CCDC146: variants seen among roughly 807,000 people sequenced by gnomAD.
CCDC146 encodes the protein coiled-coil domain containing 146.
In CCDC146, 92 loss-of-function variants were observed where a neutral mutation model predicts 119.3. The ratio of observed to expected loss-of-function variants is 0.77; its 90% confidence interval spans 0.65 to 0.92. The LOEUF is 0.92. Among genes scored for constraint, CCDC146 ranks in the 40% least tolerant of loss-of-function variants. The probability of loss-of-function intolerance (pLI) is 0.00; values close to 1 mark genes in which losing one functional copy is unlikely to be tolerated. For synonymous variants in CCDC146, 372 were observed against 371.8 expected, an observed-to-expected ratio of 1.00 and a Z score of -0.01; for missense variants, 1,000 against 1,103.0, an observed-to-expected ratio of 0.91 and a Z score of 1.32.
rs1331285214 is a variant in CCDC146 at position 77,185,667 on chromosome 7, A to G, written c.156+17843A>G. On this transcript the variant is annotated intron_variant, in intron 2 of 18. Transcript: ENST00000285871. ...ACTGCGAAGACTACAATAAATACCTAACTCTTCAATGTCTAGTTACAGACA... is the reference window on the plus strand; with the variant it reads ...ACTGCGAAGACTACAATAAATACCTGACTCTTCAATGTCTAGTTACAGACA... 2.6e-5 allele frequency among the ~76,000 whole-genome samples: 4 copies of G among 152,338 alleles called. No homozygotes were observed. In the South Asian group the frequency reaches 6.2e-4, roughly 24 times the overall value.
At chr7:77,194,846 A>C (rs943056892) in intron 2 of CCDC146, 1 of 152,144 alleles carries the variant, frequency 6.6e-6, no homozygotes, top group Non-Finnish European at 1.5e-5. Flanking sequence ...GAAATTAAAC[A>C]CATTTAAAAA....
At chr7:77,231,462 C>T (rs369116990) in intron 2 of CCDC146, among the ~76,000 whole-genome samples, 5 of 152,132 alleles carry the variant, frequency 3.3e-5, no homozygotes, top group African/African-American at 1.2e-4. Context: ...TTGGTACTAT[C>T]CATTCAGGGA....
intron 14 of CCDC146, among the ~76,000 whole-genome samples, chr7:77,281,491 C>T (rs1793763696): frequency 6.6e-6 from 1 of 152,088 alleles, no homozygotes; most frequent in African/African-American, 2.4e-5. Context: ...TTTGCAGAGC[C>T]CTGTGATAAT....
At chr7:77,140,049 C>T (rs1221622573) in intron 1 of CCDC146, among the ~76,000 whole-genome samples, 1 of 152,048 alleles carries the variant, frequency 6.6e-6, no homozygotes, top group Non-Finnish European at 1.5e-5. Context: ...CGTGCACCAT[C>T]ACACCCAGCT....
chr7:77,144,091 T>C (rs1468055003), intron 1 of CCDC146, among the ~76,000 whole-genome samples: 1 of 151,858 alleles, frequency 6.6e-6, no homozygotes, highest in East Asian at 1.9e-4. Context: ...TTTTATTTCA[T>C]TGAGCAGTGG....
At chr7:77,268,141 G>A (rs939719256) in intron 9 of CCDC146, among the ~76,000 whole-genome samples, 1 of 152,212 alleles carries the variant, frequency 6.6e-6, no homozygotes, top group Non-Finnish European at 1.5e-5. Context: ...CTGTGGTAGA[G>A]TATCTTAAAT....
chr7:77,223,971 G>A (rs868018973), intron 2 of CCDC146, among the ~76,000 whole-genome samples: 6 of 152,318 alleles, frequency 3.9e-5, no homozygotes, highest in South Asian at 2.1e-4. Flanking sequence ...CACAGGTGGT[G>A]GCCACTGAGA....
chr7:77,219,773 G>A (rs1471886168), intron 2 of CCDC146, among the ~76,000 whole-genome samples: 1 of 152,174 alleles, frequency 6.6e-6, no homozygotes, highest in Non-Finnish European at 1.5e-5. Context: ...GACATCACAT[G>A]TCGGCAAGTT....
chr7:77,157,687 T>C (rs1382924576), intron 1 of CCDC146, among the ~76,000 whole-genome samples: 2 of 152,248 alleles, frequency 1.3e-5, no homozygotes, highest in African/African-American at 4.8e-5. Flanking sequence ...CTCATGGTAC[T>C]GCCTTGCCTC....
intron 2 of CCDC146, among the ~76,000 whole-genome samples, chr7:77,225,711 G>A (rs1792497546): frequency 6.6e-6 from 1 of 152,124 alleles, no homozygotes; most frequent in African/African-American, 2.4e-5. Context: ...GGGAGGCCGA[G>A]GTGGGTGGAT....
intron 1 of CCDC146, among the ~76,000 whole-genome samples, chr7:77,147,176 A>T (rs1307832165): frequency 1.3e-5 from 2 of 152,178 alleles, no homozygotes; most frequent in Non-Finnish European, 2.9e-5. Flanking sequence ...TCAATCACTG[A>T]TACCCTTTCT....
At position 77,237,125 on chromosome 7, in the gene CCDC146, C is replaced by T. The variant is rs546118477; in HGVS notation, c.239+96C>T. ...TCATTTGCATTCCCCCATAAGCAGA[C>T]CCTGAGGCAAGGATTTGCGTTCAGG... On this transcript the variant is annotated intron_variant, in intron 3 of 18. Transcript: ENST00000285871. 6.0e-5 allele frequency: 59 copies of T among 983,116 alleles called. 1 individual carries two copies. In the South Asian group the frequency reaches 7.8e-4, roughly 13 times the overall value. 60.9% of individuals were successfully genotyped at this position (983,116 alleles called of 1,614,324 possible).
At chr7:77,177,846 C>T (rs1791523251) in intron 2 of CCDC146, among the ~76,000 whole-genome samples, 1 of 152,086 alleles carries the variant, frequency 6.6e-6, no homozygotes, top group African/African-American at 2.4e-5. Flanking sequence ...CAAGATTTTC[C>T]TTGGCTGTCA....
At position 77,130,396 on chromosome 7, in the gene CCDC146, G is replaced by A. The variant is rs146888131; in HGVS notation, c.-12+7664G>A. Among the ~76,000 whole-genome samples the A allele has an allele frequency of 2.1e-3, 327 of 152,154 alleles. 1 individual carries two copies. Among genetic ancestry groups the A allele is most frequent in the Non-Finnish European group, 3.7e-3 (254 of 68,010 alleles). ...AAAGGTCTCAGAACAACTCGCAAGCGTTGCATGTAATGTACAGACCCAAAG... is the reference window on the plus strand; with the variant it reads ...AAAGGTCTCAGAACAACTCGCAAGCATTGCATGTAATGTACAGACCCAAAG... On this transcript the variant is annotated intron_variant, in intron 1 of 18. Transcript: ENST00000285871.
chr7:77,196,398 C>T lies in CCDC146; in HGVS notation c.156+28574C>T. 3 of 1,614,150 alleles carry T rather than the reference C, an allele frequency of 1.9e-6. No individual in the cohort carries two copies. Among genetic ancestry groups the T allele is most frequent in the Non-Finnish European group, 2.5e-6 (3 of 1,180,008 alleles). On this transcript the variant is annotated intron_variant, in intron 2 of 18. Coordinates refer to ENST00000285871, the MANE Select transcript of CCDC146 (RefSeq NM_020879.3). The surrounding 1 kb of genome is among the most constrained non-coding windows in gnomAD (Gnocchi z 4.2). ...GTACCCCAGAAAATCCCATTACGGACACCTCTGTATTTTTGGTGATAATAT... is the reference window on the plus strand; with the variant it reads ...GTACCCCAGAAAATCCCATTACGGATACCTCTGTATTTTTGGTGATAATAT...
At chr7:77,201,915 A>T (rs1015065357) in intron 2 of CCDC146, among the ~76,000 whole-genome samples, 41 of 123,366 alleles carry the variant, frequency 3.3e-4, no homozygotes, top group African/African-American at 1.6e-3. Flanking sequence ...CAACATAGAT[A>T]AAAAAAAAAA....
intron 1 of CCDC146, among the ~76,000 whole-genome samples, chr7:77,148,339 C>T (rs893239319): frequency 6.6e-6 from 1 of 152,128 alleles, no homozygotes; most frequent in Non-Finnish European, 1.5e-5. Flanking sequence ...AAGGGAATAC[C>T]CTGACCCCTT....
At chr7:77,242,097 GTGACAGAGATGCCTGC>G (rs1026943890) in intron 4 of CCDC146, among the ~76,000 whole-genome samples, 197 bp downstream of exon 4, 16 of 152,298 alleles carry the variant, frequency 1.1e-4, no homozygotes, top group African/African-American at 3.9e-4. Context: ...AAAAGCTCAG[GTGACAGAGATGCCTGC>G]TGTGTTTTTC....
At chr7:77,218,819 T>G (rs1792347314) in intron 2 of CCDC146, among the ~76,000 whole-genome samples, 1 of 151,966 alleles carries the variant, frequency 6.6e-6, no homozygotes, top group Admixed American at 6.6e-5. Flanking sequence ...TGATCCTGCC[T>G]CCTCAGCCTC....
Sources: allele counts gnomAD v4.1 joint callset (sites outside exome capture counted in the v4.1 genomes callset), GRCh38; gene constraint gnomAD v4.1.1; non-coding constraint Gnocchi (gnomAD v3.1); transcripts MANE v1.5; gene names NCBI Gene and HGNC (gene_info 2026-07-23, HGNC 2026-07-21).